The following MED30 variants were observed in gnomAD, a reference collection of about 807,000 sequenced individuals.
The protein encoded by MED30 is mediator complex subunit 30.
MED30 carries 8 observed loss-of-function variants against 21.7 expected under a neutral mutation model. The observed-to-expected ratio is 0.37, with a 90% confidence interval of 0.22 to 0.67. The LOEUF is 0.67. Among genes scored for constraint, MED30 ranks in the 30% least tolerant of loss-of-function variants. The pLI, the probability that MED30 is intolerant of heterozygous loss-of-function variation, is 0.58. For synonymous variants in MED30, 79 were observed against 86.7 expected, an observed-to-expected ratio of 0.91 and a Z score of 0.49; for missense variants, 203 against 228.2, an observed-to-expected ratio of 0.89 and a Z score of 0.71.
At position 117,531,818 on chromosome 8, in the gene MED30, T is replaced by C. The variant is rs185653588; in HGVS notation, c.441+991T>C. Among the ~76,000 whole-genome samples, 105 of 152,098 alleles carry C rather than the reference T, an allele frequency of 6.9e-4. 1 individual carries two copies. The highest frequency in any genetic ancestry group is 6.9e-3 in the Admixed American group (105 of 15,266). On this transcript the variant is annotated intron_variant, in intron 3 of 3. Transcript: ENST00000297347. ...CTTTATAACACTATGTTTAATATTA[T>C]TTTAGAAGTTATAGCCAGTACAAAA...
intron 1 of MED30, among the ~76,000 whole-genome samples, chr8:117,527,636 CTT>C (rs3040826): frequency 0.021 from 2,620 of 127,518 alleles, 36 homozygotes; most frequent in African/African-American, 0.047. Flanking sequence ...TTTTTTCTTT[CTT>C]TTTTTTTTTT....
At chr8:117,532,152 A>G (rs1002625583) in intron 3 of MED30, among the ~76,000 whole-genome samples, 18 of 152,046 alleles carry the variant, frequency 1.2e-4, no homozygotes, top group African/African-American at 3.9e-4. Context: ...TGAGCAATAC[A>G]TATTATAAAA....
At chr8:117,523,368 A>T in intron 1 of MED30, 1 of 1,537,604 alleles carries the variant, frequency 6.5e-7, no homozygotes, top group South Asian at 1.1e-5. Flanking sequence ...CAGGGGGCAC[A>T]GCACTCCGTC....
intron 1 of MED30, among the ~76,000 whole-genome samples, chr8:117,521,421 A>G (rs1376163635): frequency 3.3e-5 from 5 of 151,684 alleles, no homozygotes; most frequent in Admixed American, 3.3e-4. Context: ...AAGAATTTAC[A>G]TTTTTTTTAA....
Position 117,520,770 on chromosome 8 carries a change from G to T in MED30, c.-107G>T, listed in dbSNP as rs993308180. ...GCTGTTTTGAAATCGGGCCGCGGGG[G>T]GTCTCTCAAGCTGGTTCCAACGCTG... On this transcript the variant is annotated 5_prime_UTR_variant, in exon 1 of 4. Coordinates refer to ENST00000297347, the MANE Select transcript of MED30 (RefSeq NM_080651.4). 12 of 1,140,868 alleles carry T rather than the reference G, an allele frequency of 1.1e-5. No homozygotes were observed. The highest frequency in any genetic ancestry group is 6.5e-5 in the African/African-American group (4 of 61,676). 70.7% of individuals were successfully genotyped at this position (1,140,868 alleles called of 1,614,324 possible). A position where few individuals can be genotyped will look rare whatever the true frequency, so the allele number is the denominator to read the frequency against.
At chr8:117,535,271 A>G (rs1235771378) in intron 3 of MED30, among the ~76,000 whole-genome samples, 14 of 145,846 alleles carry the variant, frequency 9.6e-5, no homozygotes, top group African/African-American at 3.6e-4. Context: ...GAGAGACAAA[A>G]TCTCTCTCTG....
At position 117,520,782 on chromosome 8, in the gene MED30, T is replaced by A; in HGVS notation, c.-95T>A. 13 of 1,293,910 alleles carry A rather than the reference T, an allele frequency of 1.0e-5. No individual in the cohort carries two copies. The highest frequency in any genetic ancestry group is 1.3e-5 in the Non-Finnish European group (13 of 970,214). 80.2% of individuals were successfully genotyped at this position (1,293,910 alleles called of 1,614,324 possible). On this transcript the variant is annotated 5_prime_UTR_variant, in exon 1 of 4. Coordinates refer to ENST00000297347, the MANE Select transcript of MED30 (RefSeq NM_080651.4). ...TCGGGCCGCGGGGGGTCTCTCAAGC[T>A]GGTTCCAACGCTGAGGCCCCACAGC...
At chr8:117,535,016 A>T (rs993224929) in intron 3 of MED30, among the ~76,000 whole-genome samples, 2 of 151,946 alleles carry the variant, frequency 1.3e-5, no homozygotes, top group African/African-American at 4.8e-5. Flanking sequence ...GATATAATTG[A>T]TACAAGGATA....
intron 3 of MED30, among the ~76,000 whole-genome samples, chr8:117,532,353 A>G (rs1388356878): frequency 6.6e-6 from 1 of 152,038 alleles, no homozygotes; most frequent in African/African-American, 2.4e-5. Flanking sequence ...TACGACTAAT[A>G]AAGCAGAATT....
At position 117,539,902 on chromosome 8, in the gene MED30, A is replaced by G. The variant is rs1276794606; in HGVS notation, c.461A>G (p.Gln154Arg). 2 of 1,605,958 alleles carry G rather than the reference A, an allele frequency of 1.2e-6. No individual in the cohort carries two copies. The highest frequency in any genetic ancestry group is 1.7e-6 in the Non-Finnish European group (2 of 1,175,796). The change falls in exon 4 of 4, where the codon CAA (glutamine) becomes CGA (arginine). Residue 154 changes from glutamine (Q) to arginine (R), a missense_variant. By Grantham distance (43) the Gln-to-Arg change is conservative (BLOSUM62 1). Coordinates refer to ENST00000297347, the MANE Select transcript of MED30 (RefSeq NM_080651.4). Reference protein sequence around the residue: ...EVNKKLKQKNQQLKQIMDQLR... With the variant: ...EVNKKLKQKNRQLKQIMDQLR... ...CTACAGAAACTCAAACAGAAGAATC[A>G]ACAGCTGAAACAAATTATGGATCAA...
intron 3 of MED30, 97 bp from the exon 4 acceptor site, chr8:117,539,786 C>G (rs923187354): frequency 1.4e-6 from 1 of 724,612 alleles, no homozygotes; most frequent in African/African-American, 1.8e-5. Context: ...TAATTTCTGT[C>G]TGTATCATTA....
At chr8:117,529,656 GA>G (rs910938827) in intron 2 of MED30, among the ~76,000 whole-genome samples, 3 of 151,808 alleles carry the variant, frequency 2.0e-5, no homozygotes, top group Non-Finnish European at 4.4e-5. Context: ...AAGAAGCTTT[GA>G]AAAAAATAAG....
chr8:117,533,897 A>G (rs1818827711), intron 3 of MED30, among the ~76,000 whole-genome samples: 1 of 152,210 alleles, frequency 6.6e-6, no homozygotes, highest in African/African-American at 2.4e-5. Context: ...TGATGTGCAT[A>G]CATCAGTGAC....
chr8:117,537,586 T>C (rs1257357829), intron 3 of MED30, among the ~76,000 whole-genome samples: 1 of 152,192 alleles, frequency 6.6e-6, no homozygotes, highest in African/African-American at 2.4e-5. Flanking sequence ...TTGAATATTA[T>C]CTTGAAAATA....
At position 117,520,834 on chromosome 8, in the gene MED30, A is replaced by C. The variant is rs1586857419; in HGVS notation, c.-43A>C. 9.9e-6 allele frequency: 15 copies of C among 1,519,508 alleles called. No homozygotes were observed. Among genetic ancestry groups the C allele is most frequent in the Non-Finnish European group, 1.3e-5 (15 of 1,131,470 alleles). 94.1% of individuals were successfully genotyped at this position (1,519,508 alleles called of 1,614,324 possible). A position where few individuals can be genotyped will look rare whatever the true frequency, so the allele number is the denominator to read the frequency against. ...TCCCAATTCCGGGCAGACCCCTGAC[A>C]CCTGCTGTCTGGCCCCTTCCGGCCT... is the stretch of plus-strand genomic sequence containing the variant. On this transcript the variant is annotated 5_prime_UTR_variant, in exon 1 of 4. Coordinates refer to ENST00000297347, the MANE Select transcript of MED30 (RefSeq NM_080651.4).
At chr8:117,539,826 T>C (rs763939206) in intron 3 of MED30, 57 bp from the exon 4 acceptor site, 160 of 1,012,202 alleles carry the variant, frequency 1.6e-4, no homozygotes, top group Non-Finnish European at 2.3e-4. Flanking sequence ...TTTAATCTTC[T>C]AACTTCATGG....
rs1324319531 is a variant in MED30, at chr8:117,520,792, G to A, written c.-85G>A. The A allele has an allele frequency of 6.1e-5, 83 of 1,362,696 alleles. No individual in the cohort carries two copies. In the East Asian group the frequency reaches 2.2e-3, roughly 36 times the overall value. The allele number at this position is 1,362,696 out of a possible 1,614,324, so 84.4% of individuals were successfully genotyped here. On this transcript the variant is annotated 5_prime_UTR_variant, in exon 1 of 4. Transcript: ENST00000297347. ...GGGGGTCTCTCAAGCTGGTTCCAAC[G>A]CTGAGGCCCCACAGCCTCCCAATTC...
intron 1 of MED30, chr8:117,523,159 T>A (rs7819231): frequency 0.35 from 217,358 of 628,964 alleles, 39,996 homozygotes; most frequent in Middle Eastern, 0.46. Flanking sequence ...ATTTTATCAA[T>A]AACTAGATTA....
chr8:117,539,661 G>A (rs62521202), intron 3 of MED30, among the ~76,000 whole-genome samples: 3,088 of 152,258 alleles, frequency 0.02, 52 homozygotes, highest in African/African-American at 0.036. Flanking sequence ...GCCTGGGGCC[G>A]GGGCTGGGGC....
Sources: allele counts gnomAD v4.1 joint callset (sites outside exome capture counted in the v4.1 genomes callset), GRCh38; gene constraint gnomAD v4.1.1; transcripts MANE v1.5; gene names NCBI Gene and HGNC (gene_info 2026-07-23, HGNC 2026-07-21).